FER1L5: variants seen among roughly 807,000 people sequenced by gnomAD.
FER1L5 encodes fer-1-like protein 5.
In FER1L5, 187 loss-of-function variants were observed where a neutral mutation model predicts 279.9. That is an observed-to-expected ratio of 0.67 (90% confidence interval 0.59 to 0.75). The LOEUF (loss-of-function observed/expected upper bound fraction) is 0.75. Among genes scored for constraint, FER1L5 ranks in the 30% least tolerant of loss-of-function variants. The pLI, the probability that FER1L5 is intolerant of heterozygous loss-of-function variation, is 0.00. For synonymous variants in FER1L5, 921 were observed against 989.7 expected (o/e 0.93, Z 1.30); for missense variants, 2,091 against 2,594.4 (o/e 0.81, Z 4.21).
intron 23 of FER1L5, 83 bp downstream of exon 23, chr2:96,686,433 A>G (rs1439992398): frequency 4.9e-6 from 7 of 1,435,152 alleles, no homozygotes; most frequent in South Asian, 4.3e-5. Context: ...GGCAGCCCCT[A>G]TGGGGCCTGT....
In FER1L5 at chr2:96,699,039, C is replaced by A. The variant is rs753248844; in HGVS notation, c.4519-6C>A. On this transcript the variant is annotated splice_polypyrimidine_tract_variant and splice_region_variant and intron_variant, in intron 41 of 52. Coordinates refer to ENST00000624922, the MANE Select transcript of FER1L5 (RefSeq NM_001293083.2). ...CTATCCTTCCCCCACTTGTATCTGA[C>A]CCCAGTGTGACCCTTATGTGATCCT... is the stretch of plus-strand genomic sequence containing the variant. The A allele has an allele frequency of 3.1e-6, 5 of 1,605,898 alleles. No homozygotes were observed. Among genetic ancestry groups the A allele is most frequent in the Non-Finnish European group, 4.3e-6 (5 of 1,176,278 alleles).
rs1236934084 is a variant in FER1L5, at chr2:96,651,879, G to T, written c.505-13G>T. The T allele has an allele frequency of 3.2e-6, 5 of 1,551,968 alleles. No individual in the cohort carries two copies. In the Admixed American group the frequency reaches 9.8e-5, roughly 30 times the overall value. ...GGCCCTCAATATCAGCTCCCCATGT[G>T]TTCCGCCCTTAGGTTCGAGTGAAGG... On this transcript the variant is annotated splice_polypyrimidine_tract_variant and intron_variant, in intron 6 of 52. Transcript: ENST00000624922.
Position 96,651,932 on chromosome 2 carries a change from A to G in FER1L5, c.545A>G (p.Asn182Ser). The change falls in exon 7 of 53, where the codon AAC becomes AGC. Residue 182 changes from asparagine (N) to serine (S), a missense_variant. By Grantham distance (46) the Asn-to-Ser change is conservative. Transcript: ENST00000624922. ...KVFEARQLMG[N>S]NIKPVVKVSI... Reference sequence around the variant, plus strand: ...TTTGAAGCCCGACAGCTCATGGGCAACAACATCAAACCAGTGGTGAAGGTG... The same window carrying G: ...TTTGAAGCCCGACAGCTCATGGGCAGCAACATCAAACCAGTGGTGAAGGTG... The G allele has an allele frequency of 4.5e-6, 7 of 1,552,048 alleles. No homozygotes were observed. The highest frequency in any genetic ancestry group is 6.1e-6 in the Non-Finnish European group (7 of 1,147,062).
In FER1L5 at chr2:96,704,324, AT is replaced by A; in HGVS notation, c.5912del (p.Ile1971LysfsTer18). 6.2e-7 allele frequency: 1 copy of A among 1,614,010 alleles called. No individual in the cohort carries two copies. The highest frequency in any genetic ancestry group is 8.5e-7 in the Non-Finnish European group (1 of 1,179,886). On this transcript the variant is annotated frameshift_variant, in exon 52 of 53. Transcript: ENST00000624922. LOFTEE classifies it low-confidence loss of function (END_TRUNC). ...CATAGCCTTTATGGTCATATCGATT[AT>A]AGCACTTATGCTGTTTAACTTCATC... is the stretch of plus-strand genomic sequence containing the variant. Reference protein sequence around the residue: ...KLIAFMVISIIALMLFNFIYS... With the variant: ...KLIAFMVISIXALMLFNFIYS...
intron 51 of FER1L5, 110 bp downstream of exon 51, chr2:96,703,742 GC>G (rs2077675794): frequency 2.2e-6 from 2 of 901,094 alleles, no homozygotes; most frequent in Non-Finnish European, 3.5e-6. Flanking sequence ...CCACCCCACA[GC>G]TCTGTGCTCA....
chr2:96,668,972 A>G lies in FER1L5; in HGVS notation c.1267+4A>G, dbSNP rs1367677598. ...TCCACCGGAGAAGAGATAGAAGGCA[A>G]GCAAAGCCTCGAGCCCACTTCCTAC... On this transcript the variant is annotated splice_donor_region_variant and intron_variant, in intron 16 of 52. Transcript: ENST00000624922. 6.4e-7 allele frequency: 1 copy of G among 1,551,498 alleles called. No homozygotes were observed. Among genetic ancestry groups the G allele is most frequent in the East Asian group, 2.4e-5 (1 of 40,908 alleles).
intron 42 of FER1L5, 74 bp from the exon 43 acceptor site, chr2:96,699,476 C>T (rs2292939): frequency 0.038 from 57,493 of 1,511,548 alleles, 1,368 homozygotes; most frequent in African/African-American, 0.091. Flanking sequence ...CCTACGGGGC[C>T]GAGACACCGG....
chr2:96,673,328 G>A, intron 19 of FER1L5, 74 bp downstream of exon 19: 1 of 1,390,630 alleles, frequency 7.2e-7, no homozygotes, highest in Non-Finnish European at 9.7e-7. Context: ...TCTCTCAGGG[G>A]TATTAGCTCA....
At position 96,691,186 on chromosome 2, in the gene FER1L5, G is replaced by A. The variant is rs760345827; in HGVS notation, c.2744-4G>A. ...ACTCAGAGGCCATGGTCCACCCACC[G>A]CAGGCTGGGAGTATGGAGTGGGGAT... On this transcript the variant is annotated splice_region_variant and splice_polypyrimidine_tract_variant and intron_variant, in intron 27 of 52. Coordinates refer to ENST00000624922, the MANE Select transcript of FER1L5 (RefSeq NM_001293083.2). This position sits in a 1 kb window ranked among gnomAD's most constrained non-coding sequence, Gnocchi z 6.0. 47 of 1,544,226 alleles carry A rather than the reference G, an allele frequency of 3.0e-5. No homozygotes were observed. The South Asian group carries it at 3.2e-4, about 11-fold the overall frequency.
chr2:96,696,986 C>T (rs1347874854), intron 37 of FER1L5, among the ~76,000 whole-genome samples: 1 of 152,184 alleles, frequency 6.6e-6, no homozygotes, highest in African/African-American at 2.4e-5. Context: ...TCAAGCGATC[C>T]TCCCACCTTG....
At chr2:96,687,690 A>C in intron 23 of FER1L5, 126 bp from the exon 24 acceptor site, 1 of 1,408,768 alleles carries the variant, frequency 7.1e-7, no homozygotes, top group South Asian at 1.4e-5. Context: ...TCCAGCACTC[A>C]GCTCAGTGAG....
rs750838769 is a variant in FER1L5, at chr2:96,698,193, T to C, written c.4356+37T>C. The C allele has an allele frequency of 6.5e-7, 1 of 1,540,814 alleles. No homozygotes were observed. Among genetic ancestry groups the C allele is most frequent in the South Asian group, 1.2e-5 (1 of 82,968 alleles). ...CCCCAGCTTAGCTGCCCCTGTCTCCTTGTGCACCTTCTGTCCCTGGAAAAC... is the reference window on the plus strand; with the variant it reads ...CCCCAGCTTAGCTGCCCCTGTCTCCCTGTGCACCTTCTGTCCCTGGAAAAC... On this transcript the variant is annotated intron_variant, in intron 40 of 52. Transcript: ENST00000624922. The surrounding 1 kb of genome is among the most constrained non-coding windows in gnomAD (Gnocchi z 5.5).
At chr2:96,656,611 AAG>A (rs2075609658) in intron 9 of FER1L5, among the ~76,000 whole-genome samples, 1 of 152,196 alleles carries the variant, frequency 6.6e-6, no homozygotes, top group Non-Finnish European at 1.5e-5. Context: ...GTCTGAGCAA[AAG>A]AGAGAGACTC....
Position 96,704,833 on chromosome 2 carries a change from C to G in FER1L5, c.*141C>G, listed in dbSNP as rs2077726685. ...TATTGTGTTCAGAAATCACTTTCAACAAGACGAGCAGAGCTGTAATTTTCC... is the reference window on the plus strand; with the variant it reads ...TATTGTGTTCAGAAATCACTTTCAAGAAGACGAGCAGAGCTGTAATTTTCC... On this transcript the variant is annotated 3_prime_UTR_variant, in exon 53 of 53. Transcript: ENST00000624922. The G allele has an allele frequency of 1.1e-4, 74 of 677,540 alleles. 1 individual carries two copies. In the South Asian group the frequency reaches 1.4e-3, roughly 13 times the overall value. 42.0% of individuals were successfully genotyped at this position (677,540 alleles called of 1,614,324 possible).
rs2077667505 is a variant in FER1L5, at chr2:96,703,511, T to C, written c.5692-12T>C. On this transcript the variant is annotated splice_polypyrimidine_tract_variant and intron_variant, in intron 50 of 52. Transcript: ENST00000624922. Reference sequence around the variant, plus strand: ...CTGCACTCAGCCTCCCCCTCACCCATGGTGTTCCTAGGGCAAGGTGAAGAT... The same window carrying C: ...CTGCACTCAGCCTCCCCCTCACCCACGGTGTTCCTAGGGCAAGGTGAAGAT... 6.2e-7 allele frequency: 1 copy of C among 1,613,378 alleles called. No homozygotes were observed.
rs1182375699 is a variant in FER1L5, at chr2:96,689,224, G to A, written c.2373G>A (p.Gln791=). Residue 791 remains glutamine (Q), a synonymous_variant, in exon 25 of 53, where the codon CAG becomes CAA. Coordinates refer to ENST00000624922, the MANE Select transcript of FER1L5 (RefSeq NM_001293083.2). The surrounding 1 kb of genome is among the most constrained non-coding windows in gnomAD (Gnocchi z 4.6). ...CTTCCCTCCCCTAGTATGAGAATCAGGCCAAGTATAAAGACCAGTGGGGGC... is the reference window on the plus strand; with the variant it reads ...CTTCCCTCCCCTAGTATGAGAATCAAGCCAAGTATAAAGACCAGTGGGGGC... ...TAVYAEMYEN[Q]AKYKDQWGQQ... 1 of 1,550,372 alleles carries A rather than the reference G, an allele frequency of 6.5e-7. No homozygotes were observed. The highest frequency in any genetic ancestry group is 2.0e-5 in the Admixed American group (1 of 50,858).
chr2:96,678,474 C>T (rs190915597), intron 19 of FER1L5, among the ~76,000 whole-genome samples: 1 of 151,820 alleles, frequency 6.6e-6, no homozygotes, highest in Admixed American at 6.6e-5. Context: ...CGCTCTGACA[C>T]CCAAGCTGGA....
intron 6 of FER1L5, among the ~76,000 whole-genome samples, chr2:96,651,241 T>G (rs200774496): frequency 2.9e-4 from 7 of 24,232 alleles, no homozygotes; most frequent in African/African-American, 6.1e-4. Flanking sequence ...TTCTTTCTCT[T>G]TCTTTCTTTC....
At chr2:96,659,469 C>CTTTCTTTCTTTCTTTCTTTCT (rs2075843949) in intron 9 of FER1L5, among the ~76,000 whole-genome samples, 1 of 26,258 alleles carries the variant, frequency 3.8e-5, no homozygotes, top group Non-Finnish European at 5.8e-5. Context: ...TTCTTTCTTT[C>CTTTCTTTCTTTCTTTCTTTCT]TTTCTTTCTT....
Sources: allele counts gnomAD v4.1 joint callset (sites outside exome capture counted in the v4.1 genomes callset), GRCh38; gene constraint gnomAD v4.1.1; non-coding constraint Gnocchi (gnomAD v3.1); transcripts MANE v1.5; gene names NCBI Gene and HGNC (gene_info 2026-07-23, HGNC 2026-07-21).